Variants in SCFD2 observed in about 807,000 individuals in gnomAD.
SCFD2 encodes sec1 family domain-containing protein 2.
A neutral mutation model predicts 58.9 loss-of-function variants in SCFD2; 54 were observed. The observed-to-expected ratio is 0.92, with a 90% CI of 0.74 to 1.15. The LOEUF is 1.15. SCFD2 is among the 50% of genes most tolerant of loss of function. SCFD2 has a pLI of 0.00. For synonymous variants in SCFD2, 321 were observed against 335.9 expected (o/e 0.96, Z 0.49); for missense variants, 805 against 836.6 (o/e 0.96, Z 0.47).
At chr4:53,106,312 C>T (rs1016945296) in intron 5 of SCFD2, among the ~76,000 whole-genome samples, 4 of 152,210 alleles carry the variant, frequency 2.6e-5, no homozygotes, top group Admixed American at 1.3e-4. Flanking sequence ...GACACCTCTT[C>T]TCCTCCAAAC....
In SCFD2 at chr4:52,915,788, T is replaced by C. The variant is rs951329557; in HGVS notation, c.1707+4937A>G. On this transcript the variant is annotated intron_variant, in intron 6 of 8. Coordinates refer to ENST00000401642, the MANE Select transcript of SCFD2 (RefSeq NM_152540.4). ...TGGCCCTCAATTTAGTCCTACCCCATGCTGATTCCTTCAGAAAAGATGCTA... is the reference window on the plus strand; with the variant it reads ...TGGCCCTCAATTTAGTCCTACCCCACGCTGATTCCTTCAGAAAAGATGCTA... Among the ~76,000 whole-genome samples the C allele has an allele frequency of 3.9e-5, 6 of 152,298 alleles. No individual in the cohort carries two copies. In the South Asian group the frequency reaches 8.3e-4, roughly 21 times the overall value.
rs188003783 is a variant in SCFD2 at position 53,198,442 on chromosome 4, T to C, written c.1312-52860A>G. Among the ~76,000 whole-genome samples, 50 of 152,132 alleles carry C rather than the reference T, an allele frequency of 3.3e-4. No homozygotes were observed. The East Asian group carries it at 6.9e-3, about 21-fold the overall frequency. ...TATTTTATAGACACATAATCTAATATTTTAAATGTAAAAAAAGAGATCCTA... is the reference window on the plus strand; with the variant it reads ...TATTTTATAGACACATAATCTAATACTTTAAATGTAAAAAAAGAGATCCTA... On this transcript the variant is annotated intron_variant, in intron 4 of 8. Coordinates refer to ENST00000401642, the MANE Select transcript of SCFD2 (RefSeq NM_152540.4).
chr4:53,226,018 T>C (rs1729201844), intron 4 of SCFD2, among the ~76,000 whole-genome samples: 1 of 152,148 alleles, frequency 6.6e-6, no homozygotes, highest in Non-Finnish European at 1.5e-5. Flanking sequence ...CCCAGATTGG[T>C]CTCAACCTCC....
intron 5 of SCFD2, among the ~76,000 whole-genome samples, chr4:53,065,830 T>A (rs565303958): frequency 6.6e-6 from 1 of 152,068 alleles, no homozygotes; most frequent in Non-Finnish European, 1.5e-5. Context: ...TTTTAACACA[T>A]GCACAGTACA....
intron 5 of SCFD2, chr4:52,958,217 T>A (rs547323639): frequency 9.9e-5 from 15 of 152,232 alleles, no homozygotes; most frequent in African/African-American, 3.4e-4. Flanking sequence ...AATACACTCA[T>A]GCGTAAACAT....
intron 5 of SCFD2, among the ~76,000 whole-genome samples, chr4:52,970,600 A>G (rs887227903): frequency 5.9e-5 from 9 of 152,260 alleles, no homozygotes; most frequent in African/African-American, 2.2e-4. Flanking sequence ...GGCAGGGAGT[A>G]GCCAAACAAA....
chr4:53,283,703 G>T (rs1166459245), intron 3 of SCFD2, among the ~76,000 whole-genome samples: 1 of 151,442 alleles, frequency 6.6e-6, no homozygotes, highest in African/African-American at 2.4e-5. Context: ...CAAGAAGCTG[G>T]GATTACAGGC....
At chr4:53,146,319 T>C (rs1726330545) in intron 4 of SCFD2, among the ~76,000 whole-genome samples, 1 of 152,204 alleles carries the variant, frequency 6.6e-6, no homozygotes. Flanking sequence ...ACTGTACCTA[T>C]TTCTATCATA....
chr4:53,240,220 C>T (rs540891814), intron 4 of SCFD2, among the ~76,000 whole-genome samples: 3 of 152,258 alleles, frequency 2.0e-5, no homozygotes, highest in East Asian at 3.9e-4. Context: ...CTACCTCTTA[C>T]CTTCAAAAAT....
At chr4:53,302,424 C>A (rs536038272) in intron 3 of SCFD2, among the ~76,000 whole-genome samples, 2 of 152,284 alleles carry the variant, frequency 1.3e-5, no homozygotes, top group Admixed American at 1.3e-4. Context: ...AGGAGAACTA[C>A]AAACCACTGC....
At chr4:52,993,646 G>A (rs1167092370) in intron 5 of SCFD2, among the ~76,000 whole-genome samples, 2 of 152,142 alleles carry the variant, frequency 1.3e-5, no homozygotes, top group Non-Finnish European at 2.9e-5. Context: ...CTGGCATACA[G>A]GGTGAAATAA....
chr4:53,302,177 T>C (rs1161326500), intron 3 of SCFD2, among the ~76,000 whole-genome samples: 2 of 152,222 alleles, frequency 1.3e-5, no homozygotes, highest in Non-Finnish European at 2.9e-5. Flanking sequence ...TGTTTGCAGA[T>C]GACATGATTG....
chr4:53,248,288 C>G (rs191578588), intron 4 of SCFD2, among the ~76,000 whole-genome samples: 2 of 152,186 alleles, frequency 1.3e-5, no homozygotes, highest in African/African-American at 2.4e-5. Flanking sequence ...CACTGAGTCT[C>G]GCAGATGCTA....
At chr4:53,142,085 A>T (rs915089004) in intron 5 of SCFD2, among the ~76,000 whole-genome samples, 1 of 152,118 alleles carries the variant, frequency 6.6e-6, no homozygotes, top group Non-Finnish European at 1.5e-5. Context: ...CCACAAGTCC[A>T]CCCCTTGTCA....
intron 5 of SCFD2, among the ~76,000 whole-genome samples, chr4:52,941,382 C>T (rs1173983182): frequency 6.6e-6 from 1 of 152,174 alleles, no homozygotes; most frequent in East Asian, 1.9e-4. Flanking sequence ...AGGGTGATAG[C>T]TTTTCTGACA....
chr4:53,078,566 T>C (rs1724049247), intron 5 of SCFD2, among the ~76,000 whole-genome samples: 2 of 152,210 alleles, frequency 1.3e-5, no homozygotes, highest in African/African-American at 2.4e-5. Flanking sequence ...CCTCGGGCAT[T>C]GACTCTATGC....
chr4:53,227,960 G>C (rs1326121364), intron 4 of SCFD2, among the ~76,000 whole-genome samples: 1 of 152,134 alleles, frequency 6.6e-6, no homozygotes, highest in Non-Finnish European at 1.5e-5. Context: ...GTGTGGTAGA[G>C]TTATTGAAAG....
intron 8 of SCFD2, among the ~76,000 whole-genome samples, chr4:52,881,892 G>A: frequency 6.6e-6 from 1 of 152,126 alleles, no homozygotes; most frequent in Non-Finnish European, 1.5e-5. Flanking sequence ...GTGGTGCTGA[G>A]AATACAATAG....
Position 53,236,817 on chromosome 4 carries a change from TTTATTTA to T in SCFD2, c.1311+37002_1311+37008del, listed in dbSNP as rs1560402023. ...CTACTTAAAGTCACTGTTTTATTTA[TTTATTTA>T]TTTATTTATTTATTTATTTATTTAT... On this transcript the variant is annotated intron_variant, in intron 4 of 8. Transcript: ENST00000401642. 3.9e-3 allele frequency among the ~76,000 whole-genome samples: 416 copies of T among 105,756 alleles called. 1 individual carries two copies. Among genetic ancestry groups the T allele is most frequent in the African/African-American group, 0.013 (356 of 27,006 alleles). The allele number at this position is 105,756 out of a possible 152,430, so 69.4% of individuals were successfully genotyped here.
Sources: allele counts gnomAD v4.1 joint callset (sites outside exome capture counted in the v4.1 genomes callset), GRCh38; gene constraint gnomAD v4.1.1; transcripts MANE v1.5; gene names NCBI Gene and HGNC (gene_info 2026-07-23, HGNC 2026-07-21).